The following MYOT variants were observed in gnomAD, a reference collection of about 807,000 sequenced individuals.
MYOT encodes the protein 57 kDa cytoskeletal protein.
In MYOT, 36 loss-of-function variants were observed where a neutral mutation model predicts 58.0. The observed-to-expected ratio is 0.62, with a 90% CI of 0.48 to 0.82. MYOT has a LOEUF of 0.82. Ranked by LOEUF, MYOT falls within the 40% of genes least tolerant of loss-of-function variation. The pLI is 0.00. For synonymous variants in MYOT, 218 were observed against 204.6 expected (o/e 1.07, Z -0.56); for missense variants, 505 against 592.1 (o/e 0.85, Z 1.53).
chr5:137,870,141 AAAAG>A (rs1332215679), intron 1 of MYOT, among the ~76,000 whole-genome samples: 2 of 150,766 alleles, frequency 1.3e-5, no homozygotes, highest in Non-Finnish European at 2.9e-5. Context: ...AAAAAAAAAA[AAAAG>A]AAAGAAAGAA....
Position 137,870,883 on chromosome 5 carries a change from G to A in MYOT, c.232G>A (p.Gly78Ser), listed in dbSNP as rs1755029530. Residue 78 changes from glycine to serine, a missense_variant, in exon 2 of 10, where the codon GGC becomes AGC. Transcript: ENST00000239926. ...AFPASPQQHA[G>S]SNPGQRVTTT... ...CCCTGCTTCTCCCCAGCAGCATGCTGGCTCCAACCCAGGCCAAAGGGTTAC... is the reference window on the plus strand; with the variant it reads ...CCCTGCTTCTCCCCAGCAGCATGCTAGCTCCAACCCAGGCCAAAGGGTTAC... 12 of 1,614,032 alleles carry A rather than the reference G, an allele frequency of 7.4e-6. No homozygotes were observed. Among genetic ancestry groups the A allele is most frequent in the Non-Finnish European group, 1.0e-5 (12 of 1,180,032 alleles).
chr5:137,881,492 C>T (rs983855155), intron 5 of MYOT, among the ~76,000 whole-genome samples: 1 of 152,062 alleles, frequency 6.6e-6, no homozygotes, highest in Non-Finnish European at 1.5e-5. Flanking sequence ...TAGTGAAACC[C>T]CATCTCTACT....
In MYOT at chr5:137,883,457, A is replaced by T. The variant is rs1267344370; in HGVS notation, c.890A>T (p.Lys297Ile). The T allele has an allele frequency of 3.1e-6, 5 of 1,614,150 alleles. No homozygotes were observed. The highest frequency in any genetic ancestry group is 2.5e-6 in the Non-Finnish European group (3 of 1,180,028). Reference protein sequence around the residue: ...GRTVQSDDLHKMIVSEKGLHS... With the variant: ...GRTVQSDDLHIMIVSEKGLHS... The stretch of plus-strand genomic sequence containing the variant: ...ACAGTTCAATCAGATGATTTGCACA[A>T]AATGATAGTGTCTGAGAAGGGTCTT... The change falls in exon 7 of 10, where the codon AAA becomes ATA. Residue 297 changes from lysine to isoleucine, a missense_variant. Coordinates refer to ENST00000239926, the MANE Select transcript of MYOT (RefSeq NM_006790.3).
At chr5:137,874,845 A>T (rs1755160306) in intron 2 of MYOT, among the ~76,000 whole-genome samples, 1 of 152,236 alleles carries the variant, frequency 6.6e-6, no homozygotes, top group Non-Finnish European at 1.5e-5. Flanking sequence ...ATTTTCTAGA[A>T]TATGAAATTA....
chr5:137,881,991 G>A lies in MYOT; in HGVS notation c.702G>A (p.Arg234=). ...TSQVRSRSTS[R]GDVNDQDAIQ... ...CTTGTAGAAGTAGATCAACCTCAAG[G>A]GGAGATGTGAATGATCAGGATGCAA... The change falls in exon 6 of 10, where the codon AGG becomes AGA. Residue 234 remains arginine (R), a synonymous_variant. Transcript: ENST00000239926. 6 of 1,614,004 alleles carry A rather than the reference G, an allele frequency of 3.7e-6. No homozygotes were observed. Among genetic ancestry groups the A allele is most frequent in the Non-Finnish European group, 5.1e-6 (6 of 1,179,880 alleles).
chr5:137,885,771 CAAAAAAAAAAAAAAAA>C (rs71583286), intron 7 of MYOT, among the ~76,000 whole-genome samples: 5 of 30,976 alleles, frequency 1.6e-4, no homozygotes, highest in East Asian at 1.6e-3. Flanking sequence ...GACTCTGTCT[CAAAAAAAAAAAAAAAA>C]AAAAAAAAAA....
At chr5:137,886,780 C>A in intron 8 of MYOT, 84 bp from the exon 9 acceptor site, 1 of 1,003,394 alleles carries the variant, frequency 1.0e-6, no homozygotes, top group South Asian at 1.4e-5. Flanking sequence ...ATGTTTTTTT[C>A]TTCCTAGTCT....
intron 2 of MYOT, among the ~76,000 whole-genome samples, chr5:137,873,789 T>C (rs544576595): frequency 5.9e-5 from 9 of 152,342 alleles, no homozygotes; most frequent in South Asian, 2.1e-4. Context: ...TAGCTTTCAA[T>C]AGAGTGTCCT....
rs1311850075 is a variant in MYOT, at chr5:137,880,827, A to T, written c.645A>T (p.Ser215=). 4 of 1,612,938 alleles carry T rather than the reference A, an allele frequency of 2.5e-6. No homozygotes were observed. The highest frequency in any genetic ancestry group is 3.4e-6 in the Non-Finnish European group (4 of 1,179,022). The change falls in exon 5 of 10, where the codon TCA becomes TCT. Residue 215 remains serine (S), a synonymous_variant. Transcript: ENST00000239926. ...SGAQDSQQHN[S]EHARLQVPTS... is the part of the protein sequence containing the mutation. The stretch of plus-strand genomic sequence containing the variant: ...GTTTTAATTTCAAGCAACACAACTC[A>T]GAACATGCGCGACTGCAAGTTCCTA...
rs942505985 is a variant in MYOT at position 137,886,775 on chromosome 5, T to C, written c.1191-89T>C. ...TACAGCTTTGGAATTTTCAAATGTTTTTTTCTTCCTAGTCTGACTGTTGGT... is the reference window on the plus strand; with the variant it reads ...TACAGCTTTGGAATTTTCAAATGTTCTTTTCTTCCTAGTCTGACTGTTGGT... On this transcript the variant is annotated intron_variant, in intron 8 of 9. Transcript: ENST00000239926. The C allele has an allele frequency of 9.7e-5, 96 of 986,272 alleles. No individual in the cohort carries two copies. The Admixed American group carries it at 2.0e-3, about 20-fold the overall frequency. The allele number at this position is 986,272 out of a possible 1,614,324, so 61.1% of individuals were successfully genotyped here.
At chr5:137,875,300 T>C (rs983239214) in intron 2 of MYOT, among the ~76,000 whole-genome samples, 3 of 152,066 alleles carry the variant, frequency 2.0e-5, no homozygotes, top group African/African-American at 7.2e-5. Context: ...ATTGGGTACA[T>C]ATGAACACAA....
chr5:137,881,874 C>T (rs970818287), intron 5 of MYOT, 99 bp from the exon 6 acceptor site: 28 of 1,309,398 alleles, frequency 2.1e-5, no homozygotes, highest in Non-Finnish European at 4.4e-6. Flanking sequence ...AAGAGTGAAA[C>T]TCCATTGAAA....
intron 3 of MYOT, chr5:137,876,286 T>C: frequency 2.5e-6 from 1 of 405,520 alleles, no homozygotes; most frequent in Non-Finnish European, 4.5e-6. Context: ...GATGCCCAAA[T>C]AGCTATTAGG....
At chr5:137,872,663 T>C (rs41346746) in intron 2 of MYOT, among the ~76,000 whole-genome samples, 4,021 of 152,262 alleles carry the variant, frequency 0.026, 161 homozygotes, top group African/African-American at 0.087. Context: ...AACTCCCTCG[T>C]TATTATGGGC....
At position 137,871,008 on chromosome 5, in the gene MYOT, G is replaced by T; in HGVS notation, c.356+1G>T. ...AAATCCCTTCCGCTATGGATTCCAA[G>T]TAAGTGAATTTTTATATACCGCATG... On this transcript the variant is annotated splice_donor_variant, in intron 2 of 9. Transcript: ENST00000239926. LOFTEE classifies it high-confidence loss of function. 6.2e-7 allele frequency: 1 copy of T among 1,611,566 alleles called. No homozygotes were observed. The highest frequency in any genetic ancestry group is 1.1e-5 in the South Asian group (1 of 91,002).
At chr5:137,877,751 AG>A in intron 4 of MYOT, 130 bp downstream of exon 4, 1 of 703,978 alleles carries the variant, frequency 1.4e-6, no homozygotes, top group Non-Finnish European at 2.6e-6. Flanking sequence ...ATACATAAAG[AG>A]GCCATGATAA....
In MYOT at chr5:137,887,534, T is replaced by TGG; in HGVS notation, c.*149_*150insGG. ...ATATATTTATAATATTATTTATCCTTTGACTCTTGCACATTCTATGTACCC... is the reference window on the plus strand; with the variant it reads ...ATATATTTATAATATTATTTATCCTTGGTGACTCTTGCACATTCTATGTACCC... On this transcript the variant is annotated 3_prime_UTR_variant, in exon 10 of 10. Transcript: ENST00000239926. 1.9e-6 allele frequency: 1 copy of TGG among 539,540 alleles called. No homozygotes were observed. Among genetic ancestry groups the TGG allele is most frequent in the Non-Finnish European group, 2.7e-6 (1 of 364,726 alleles). 33.4% of individuals were successfully genotyped at this position (539,540 alleles called of 1,614,324 possible).
At chr5:137,881,107 C>G (rs1353509635) in intron 5 of MYOT, among the ~76,000 whole-genome samples, 1 of 152,132 alleles carries the variant, frequency 6.6e-6, no homozygotes, top group Non-Finnish European at 1.5e-5. Context: ...AAACAATTTT[C>G]TCATGACAAT....
At position 137,885,915 on chromosome 5, in the gene MYOT, T is replaced by C. The variant is rs1755585472; in HGVS notation, c.1025-133T>C. The C allele has an allele frequency of 4.9e-6, 3 of 610,038 alleles. No homozygotes were observed. In the South Asian group the frequency reaches 7.1e-5, roughly 14 times the overall value. 37.8% of individuals were successfully genotyped at this position (610,038 alleles called of 1,614,324 possible). A position where few individuals can be genotyped will look rare whatever the true frequency, so the allele number is the denominator to read the frequency against. On this transcript the variant is annotated intron_variant, in intron 7 of 9. Transcript: ENST00000239926. ...AACAAAATAGTACTGCATGTCTTTTTTACTGAGTTTCTTTCTGTTGCTGTT... is the reference window on the plus strand; with the variant it reads ...AACAAAATAGTACTGCATGTCTTTTCTACTGAGTTTCTTTCTGTTGCTGTT...
Sources: gnomAD v4.1 joint callset for allele counts (sites outside exome capture counted in the v4.1 genomes callset) on GRCh38, gnomAD v4.1.1 for gene constraint, MANE v1.5 for transcripts, NCBI Gene and HGNC (gene_info 2026-07-23, HGNC 2026-07-21) for gene names.